The following NXPE2 variants were observed in gnomAD, a reference collection of about 807,000 sequenced individuals.
The protein encoded by NXPE2 is neurexophilin and PC-esterase domain family member 2, also known as NXPE family member 2.
NXPE2 carries 34 observed loss-of-function variants against 34.4 expected under a neutral mutation model. That is an observed-to-expected ratio of 0.99 (90% CI 0.75 to 1.31). The LOEUF (loss-of-function observed/expected upper bound fraction) is 1.31, where lower values mean the gene tolerates loss of function less well. Among genes scored for constraint, NXPE2 ranks in the 40% most tolerant of loss-of-function variants. The pLI is 0.00. For missense variants in NXPE2, 649 were observed against 672.5 expected (o/e 0.97, Z 0.39); for synonymous variants, 235 against 231.3 (o/e 1.02, Z -0.15).
the NXPE2 span, among the ~76,000 whole-genome samples, chr11:114,760,795 T>C: frequency 1.3e-5 from 2 of 152,118 alleles, no homozygotes; most frequent in Non-Finnish European, 2.9e-5. Context: ...TAACAACTCT[T>C]CCCTGAAATT....
the NXPE2 span, among the ~76,000 whole-genome samples, chr11:114,644,787 G>T: frequency 2.0e-5 from 3 of 151,270 alleles, no homozygotes; most frequent in Admixed American, 2.0e-4. Context: ...ATCTGCAGAG[G>T]ATGAAAATAA....
chr11:114,716,625 C>G, the NXPE2 span, among the ~76,000 whole-genome samples: 1 of 152,130 alleles, frequency 6.6e-6, no homozygotes, highest in Non-Finnish European at 1.5e-5. Context: ...TGCAGTGGTA[C>G]AGCAGAGAAA....
chr11:114,483,436 T>A, the NXPE2 span, among the ~76,000 whole-genome samples: 4 of 152,244 alleles, frequency 2.6e-5, no homozygotes, highest in Admixed American at 2.6e-4. Context: ...CACAGTTTGC[T>A]CTTTTATCCA....
At chr11:114,529,309 AAGTCT>A in the NXPE2 span, 6 of 152,832 alleles carry the variant, frequency 3.9e-5, no homozygotes, top group African/African-American at 1.4e-4. Flanking sequence ...GAACTGATAG[AAGTCT>A]TAGGGCTTGG....
At chr11:114,531,982 T>C in the NXPE2 span, among the ~76,000 whole-genome samples, 6 of 152,344 alleles carry the variant, frequency 3.9e-5, no homozygotes, top group South Asian at 8.3e-4. Context: ...CACTACATTA[T>C]GTTGTCCAGG....
At chr11:114,554,105 C>T in the NXPE2 span, 1 of 985,418 alleles carries the variant, frequency 1.0e-6, no homozygotes, top group Non-Finnish European at 1.2e-6. Context: ...CACTTGTCTC[C>T]TCTCCTTATG....
At chr11:114,696,002 A>G (rs1400640939) in intron 2 of NXPE2, among the ~76,000 whole-genome samples, 1 of 152,024 alleles carries the variant, frequency 6.6e-6, no homozygotes, top group African/African-American at 2.4e-5. Flanking sequence ...TGGGTGACAC[A>G]GCGAGACTCC....
the NXPE2 span, among the ~76,000 whole-genome samples, chr11:114,609,315 G>T: frequency 4.6e-5 from 7 of 151,710 alleles, no homozygotes; most frequent in Non-Finnish European, 1.0e-4. Context: ...TTGCCTCGTG[G>T]GTAACCACGG....
the NXPE2 span, chr11:114,581,638 G>T: frequency 9.0e-7 from 1 of 1,111,236 alleles, no homozygotes; most frequent in Non-Finnish European, 1.3e-6. Flanking sequence ...TGATAGGACT[G>T]AAACAGTGAA....
chr11:114,653,805 G>A, the NXPE2 span, among the ~76,000 whole-genome samples: 1 of 151,994 alleles, frequency 6.6e-6, no homozygotes, highest in Non-Finnish European at 1.5e-5. Context: ...TGGGATTACA[G>A]GCGTGAGCCA....
At chr11:114,796,495 T>G in the NXPE2 span, among the ~76,000 whole-genome samples, 1 of 152,130 alleles carries the variant, frequency 6.6e-6, no homozygotes, top group Non-Finnish European at 1.5e-5. Flanking sequence ...TGAGATAAAG[T>G]GGTTAACTGT....
At chr11:114,806,735 G>A in the NXPE2 span, among the ~76,000 whole-genome samples, 17 of 151,834 alleles carry the variant, frequency 1.1e-4, no homozygotes, top group East Asian at 7.8e-4. Context: ...TGAAAGTGAT[G>A]GGGAGAATGG....
At chr11:114,523,162 T>C in the NXPE2 span, 2 of 1,119,920 alleles carry the variant, frequency 1.8e-6, no homozygotes, top group Non-Finnish European at 2.7e-6. Context: ...TCCTGGTCTT[T>C]CATTTTCTTG....
At chr11:114,491,778 G>A in the NXPE2 span, among the ~76,000 whole-genome samples, 1 of 152,154 alleles carries the variant, frequency 6.6e-6, no homozygotes, top group Non-Finnish European at 1.5e-5. Context: ...AACAATGATA[G>A]ACTGGATTAA....
the NXPE2 span, among the ~76,000 whole-genome samples, chr11:114,662,980 G>A: frequency 6.6e-6 from 1 of 152,188 alleles, no homozygotes; most frequent in South Asian, 2.1e-4. Flanking sequence ...ATGGAGGAGA[G>A]CAACAAGCAG....
the NXPE2 span, among the ~76,000 whole-genome samples, chr11:114,639,817 AAATAT>A: frequency 8.4e-6 from 1 of 119,714 alleles, no homozygotes; most frequent in Non-Finnish European, 1.6e-5. Context: ...AAATAATATA[AAATAT>A]AATATATATT....
At chr11:114,740,598 G>C in the NXPE2 span, among the ~76,000 whole-genome samples, 1 of 151,866 alleles carries the variant, frequency 6.6e-6, no homozygotes, top group African/African-American at 2.4e-5. Flanking sequence ...AATGTATAAG[G>C]GTTTCCATTT....
At chr11:114,754,418 C>T in the NXPE2 span, among the ~76,000 whole-genome samples, 3 of 152,162 alleles carry the variant, frequency 2.0e-5, no homozygotes, top group Non-Finnish European at 4.4e-5. Context: ...CCAGAAGCAC[C>T]AGGTCACAAT....
At chr11:114,731,591 G>A in the NXPE2 span, among the ~76,000 whole-genome samples, 1 of 152,168 alleles carries the variant, frequency 6.6e-6, no homozygotes, top group African/African-American at 2.4e-5. Context: ...AATCGCAAGA[G>A]GATGATGTTG....
Sources: gnomAD v4.1 joint callset for allele counts (sites outside exome capture counted in the v4.1 genomes callset) on GRCh38, gnomAD v4.1.1 for gene constraint, MANE v1.5 for transcripts, NCBI Gene and HGNC (gene_info 2026-07-23, HGNC 2026-07-21) for gene names.